Variants in MYT1L observed in about 807,000 individuals in gnomAD.
The protein encoded by MYT1L is myelin transcription factor 1 like.
A neutral mutation model predicts 126.7 loss-of-function variants in MYT1L; 12 were observed. The observed-to-expected ratio is 0.09, with a 90% CI of 0.06 to 0.15. The LOEUF (loss-of-function observed/expected upper bound fraction) is 0.15. Among genes scored for constraint, MYT1L ranks in the 10% least tolerant of loss-of-function variants. The pLI, the probability that MYT1L is intolerant of heterozygous loss-of-function variation, is 1.00. For missense variants in MYT1L, 979 were observed against 1,585.2 expected, an observed-to-expected ratio of 0.62 and a Z score of 6.49; for synonymous variants, 541 against 604.2, an observed-to-expected ratio of 0.90 and a Z score of 1.53.
At chr2:2,312,279 C>A (rs908305520) in intron 1 of MYT1L, among the ~76,000 whole-genome samples, 4 of 152,124 alleles carry the variant, frequency 2.6e-5, no homozygotes, top group Admixed American at 2.6e-4. Flanking sequence ...GACTGAGAAA[C>A]AATTTATTCT....
chr2:2,282,063 T>C (rs556424314), intron 2 of MYT1L, among the ~76,000 whole-genome samples: 1 of 152,354 alleles, frequency 6.6e-6, no homozygotes, highest in South Asian at 2.1e-4. Context: ...GGTCGCTATA[T>C]TAAATTGCTC....
At chr2:2,102,950 A>G (rs1308317958) in intron 3 of MYT1L, among the ~76,000 whole-genome samples, 1 of 152,098 alleles carries the variant, frequency 6.6e-6, no homozygotes, top group Admixed American at 6.5e-5. Context: ...TAAAAAAAAA[A>G]GCCTTGAAAT....
At chr2:2,253,134 G>A (rs2094699379) in intron 2 of MYT1L, among the ~76,000 whole-genome samples, 1 of 151,466 alleles carries the variant, frequency 6.6e-6, no homozygotes. Context: ...AAGAAAAAAA[G>A]AATTTAAAAA....
At chr2:1,899,907 T>A (rs1201285662) in intron 14 of MYT1L, among the ~76,000 whole-genome samples, 1 of 152,180 alleles carries the variant, frequency 6.6e-6, no homozygotes, top group African/African-American at 2.4e-5. Flanking sequence ...TGGTGTGCTG[T>A]GTCTGGAAGG....
chr2:2,318,607 G>C (rs2096109537), intron 1 of MYT1L, among the ~76,000 whole-genome samples: 1 of 152,104 alleles, frequency 6.6e-6, no homozygotes. Flanking sequence ...CTTGTTCTCA[G>C]GACTGTGAAA....
At chr2:1,855,414 G>C (rs954550946) in intron 18 of MYT1L, among the ~76,000 whole-genome samples, 10 of 152,350 alleles carry the variant, frequency 6.6e-5, no homozygotes, top group African/African-American at 2.4e-4. Context: ...GCACAGCTTG[G>C]GTTTGGAAAT....
intron 1 of MYT1L, among the ~76,000 whole-genome samples, chr2:2,291,299 T>A (rs2095596408): frequency 6.6e-6 from 1 of 152,188 alleles, no homozygotes; most frequent in Admixed American, 6.5e-5. Context: ...TGAGCTTAAA[T>A]CTCTTTATGA....
intron 11 of MYT1L, among the ~76,000 whole-genome samples, chr2:1,914,923 C>A (rs982465093): frequency 2.6e-5 from 4 of 152,242 alleles, no homozygotes; most frequent in South Asian, 4.1e-4. Context: ...GCCTCTCACA[C>A]AGGACAGCTG....
chr2:1,985,845 G>C (rs934376205), intron 5 of MYT1L, among the ~76,000 whole-genome samples: 2 of 152,218 alleles, frequency 1.3e-5, no homozygotes, highest in African/African-American at 4.8e-5. Flanking sequence ...ACCCAGGATA[G>C]CACTAATTCG....
intron 2 of MYT1L, among the ~76,000 whole-genome samples, chr2:2,215,776 A>T (rs2093657783): frequency 1.3e-5 from 2 of 152,176 alleles, no homozygotes; most frequent in Admixed American, 1.3e-4. Context: ...TATAGTTTGG[A>T]TATTTGTCCC....
chr2:2,152,579 T>G (rs75962235), intron 3 of MYT1L, among the ~76,000 whole-genome samples: 2,237 of 152,190 alleles, frequency 0.015, 52 homozygotes, highest in African/African-American at 0.051. Flanking sequence ...AATGGAACAA[T>G]GTCATTCTGT....
intron 4 of MYT1L, among the ~76,000 whole-genome samples, chr2:2,049,103 A>G (rs1404779430): frequency 6.6e-6 from 1 of 152,258 alleles, no homozygotes; most frequent in Non-Finnish European, 1.5e-5. Context: ...TCTGAAAACA[A>G]TTGAAAAGCA....
At chr2:1,915,662 G>A (rs570035109) in intron 11 of MYT1L, among the ~76,000 whole-genome samples, 23 of 152,320 alleles carry the variant, frequency 1.5e-4, no homozygotes, top group Non-Finnish European at 2.6e-4. Flanking sequence ...GTCACATCGT[G>A]TGTTCAGACA....
chr2:1,794,491 G>A (rs1558571440), intron 23 of MYT1L, among the ~76,000 whole-genome samples: 1 of 152,234 alleles, frequency 6.6e-6, no homozygotes, highest in African/African-American at 2.4e-5. Context: ...GGTCTTAGGG[G>A]CCCAGAGTAA....
chr2:2,109,889 A>ATG (rs2079193983), intron 3 of MYT1L, among the ~76,000 whole-genome samples: 2 of 83,688 alleles, frequency 2.4e-5, no homozygotes, highest in South Asian at 9.7e-4. Context: ...ATATATATAT[A>ATG]TATATATATA....
chr2:1,902,091 A>C (rs1326910989), intron 14 of MYT1L, among the ~76,000 whole-genome samples: 20 of 152,234 alleles, frequency 1.3e-4, no homozygotes, highest in Non-Finnish European at 2.8e-4. Flanking sequence ...AATTGGTAAA[A>C]CTTGGCAATT....
intron 2 of MYT1L, among the ~76,000 whole-genome samples, chr2:2,223,171 C>T (rs6760434): frequency 0.037 from 5,640 of 152,170 alleles, 351 homozygotes; most frequent in African/African-American, 0.13. Flanking sequence ...CATCCTGCCT[C>T]GAAATGTGAG....
At chr2:1,872,729 A>T (rs2046419488) in intron 18 of MYT1L, among the ~76,000 whole-genome samples, 1 of 151,808 alleles carries the variant, frequency 6.6e-6, no homozygotes, top group Non-Finnish European at 1.5e-5. Context: ...GAGTCTCAAA[A>T]CTCCAGGCCA....
intron 3 of MYT1L, among the ~76,000 whole-genome samples, chr2:2,072,219 C>T (rs1038387515): frequency 2.6e-5 from 4 of 152,106 alleles, no homozygotes; most frequent in African/African-American, 4.8e-5. Flanking sequence ...TGTTCTCTGA[C>T]GTTTTACTGT....
Sources: gnomAD v4.1 joint callset for allele counts (sites outside exome capture counted in the v4.1 genomes callset) on GRCh38, gnomAD v4.1.1 for gene constraint, MANE v1.5 for transcripts, NCBI Gene and HGNC (gene_info 2026-07-23, HGNC 2026-07-21) for gene names.